The following FBXL17 variants were observed in gnomAD, a reference collection of about 807,000 sequenced individuals.
The protein encoded by FBXL17 is F-box and leucine rich repeat protein 17.
Under a neutral mutation model 66.2 loss-of-function variants are expected in FBXL17, and 22 were observed. That is an observed-to-expected ratio of 0.33 (90% CI 0.24 to 0.47). The LOEUF is 0.47. FBXL17 is among the 20% of genes least tolerant of loss of function. The pLI, the probability that FBXL17 is intolerant of heterozygous loss-of-function variation, is 1.00. For synonymous variants in FBXL17, 474 were observed against 400.5 expected, an observed-to-expected ratio of 1.18 and a Z score of -2.19; for missense variants, 878 against 948.2, an observed-to-expected ratio of 0.93 and a Z score of 0.97.
chr5:108,236,584 C>T (rs1447988438), intron 4 of FBXL17, among the ~76,000 whole-genome samples: 1 of 150,786 alleles, frequency 6.6e-6, no homozygotes, highest in Admixed American at 6.6e-5. Context: ...AAAAAGCAAA[C>T]AAACAAATAT....
At chr5:108,186,076 T>A in intron 6 of FBXL17, 41 bp downstream of exon 6, 1 of 1,494,194 alleles carries the variant, frequency 6.7e-7, no homozygotes, top group African/African-American at 1.4e-5. Context: ...TCCTAAATGT[T>A]TTCCTCTAGA....
intron 4 of FBXL17, among the ~76,000 whole-genome samples, chr5:108,341,101 T>G (rs1234814830): frequency 6.6e-6 from 1 of 152,156 alleles, no homozygotes; most frequent in Non-Finnish European, 1.5e-5. Flanking sequence ...AGAAGCAATG[T>G]AAGTGTCCTT....
At chr5:108,029,790 C>T (rs1320892917) in intron 6 of FBXL17, among the ~76,000 whole-genome samples, 4 of 150,646 alleles carry the variant, frequency 2.7e-5, no homozygotes, top group East Asian at 2.0e-4. Flanking sequence ...TTTTTTTAAC[C>T]GAAGGATAGA....
At chr5:107,918,975 G>A (rs1377990432) in intron 7 of FBXL17, among the ~76,000 whole-genome samples, 1 of 152,158 alleles carries the variant, frequency 6.6e-6, no homozygotes, top group Non-Finnish European at 1.5e-5. Flanking sequence ...CTTTGTGGGA[G>A]AGGCTGTGTG....
chr5:108,173,519 G>A (rs1419275843), intron 6 of FBXL17, among the ~76,000 whole-genome samples: 1 of 152,178 alleles, frequency 6.6e-6, no homozygotes, highest in African/African-American at 2.4e-5. Context: ...ATTTATTACA[G>A]TAAAGAAATG....
In FBXL17 at chr5:108,279,553, GA is replaced by G. The variant is rs74272808; in HGVS notation, c.1507-55326del. ...ACCAACATCATAGTCACATCTTCAG[GA>G]AAAAAAAAAAAAGTAATATGACACC... On this transcript the variant is annotated intron_variant, in intron 4 of 8. Transcript: ENST00000542267. Among the ~76,000 whole-genome samples, 939 of 137,766 alleles carry G rather than the reference GA, an allele frequency of 6.8e-3. 4 individuals are homozygous for G. The highest frequency in any genetic ancestry group is 0.038 in the East Asian group (186 of 4,856). The allele number at this position is 137,766 out of a possible 152,430, so 90.4% of individuals were successfully genotyped here.
At chr5:108,251,751 A>G (rs181915201) in intron 4 of FBXL17, among the ~76,000 whole-genome samples, 2 of 152,234 alleles carry the variant, frequency 1.3e-5, no homozygotes, top group Admixed American at 6.5e-5. Context: ...GTAAAGCTCA[A>G]TAATATTCCA....
chr5:108,007,333 C>T (rs1462693260), intron 7 of FBXL17, among the ~76,000 whole-genome samples: 3 of 152,116 alleles, frequency 2.0e-5, no homozygotes, highest in Admixed American at 2.0e-4. Flanking sequence ...TGGCACACAA[C>T]AGAAGCTCAG....
chr5:108,260,553 G>A (rs894476456), intron 4 of FBXL17, among the ~76,000 whole-genome samples: 1 of 152,074 alleles, frequency 6.6e-6, no homozygotes, highest in African/African-American at 2.4e-5. Context: ...AGGCAACATC[G>A]TATTACAAGG....
chr5:108,183,747 C>T (rs1388271558), intron 6 of FBXL17, among the ~76,000 whole-genome samples: 1 of 152,026 alleles, frequency 6.6e-6, no homozygotes, highest in Non-Finnish European at 1.5e-5. Flanking sequence ...GTTCCCATGT[C>T]CATTATACCA....
At chr5:107,945,943 G>C (rs982020537) in intron 7 of FBXL17, among the ~76,000 whole-genome samples, 1 of 151,996 alleles carries the variant, frequency 6.6e-6, no homozygotes, top group Admixed American at 6.6e-5. Flanking sequence ...AAGTTGTATA[G>C]AGCATGTACC....
chr5:108,064,502 C>T (rs1474757590), intron 6 of FBXL17, among the ~76,000 whole-genome samples: 1 of 152,068 alleles, frequency 6.6e-6, no homozygotes, highest in African/African-American at 2.4e-5. Flanking sequence ...CTTTGCAGAG[C>T]CTCTCAATGG....
chr5:107,942,974 C>A (rs1225051424), intron 7 of FBXL17, among the ~76,000 whole-genome samples: 1 of 152,180 alleles, frequency 6.6e-6, no homozygotes, highest in African/African-American at 2.4e-5. Flanking sequence ...CCTCGTTTCA[C>A]TGAATTGACC....
intron 4 of FBXL17, among the ~76,000 whole-genome samples, chr5:108,270,101 T>C (rs1757205388): frequency 6.6e-6 from 1 of 152,044 alleles, no homozygotes; most frequent in African/African-American, 2.4e-5. Flanking sequence ...TTAAAGATAC[T>C]AAAGAAGTAA....
At chr5:107,908,848 C>A (rs1749851317) in intron 7 of FBXL17, among the ~76,000 whole-genome samples, 1 of 152,142 alleles carries the variant, frequency 6.6e-6, no homozygotes, top group African/African-American at 2.4e-5. Flanking sequence ...ATGTTAAATG[C>A]CAGTTTGAGA....
At chr5:108,192,431 A>G (rs1221598724) in intron 5 of FBXL17, among the ~76,000 whole-genome samples, 3 of 152,188 alleles carry the variant, frequency 2.0e-5, no homozygotes, top group African/African-American at 4.8e-5. Context: ...CTTTTATTAG[A>G]AAAAAAGTGA....
intron 3 of FBXL17, among the ~76,000 whole-genome samples, chr5:108,359,874 T>C (rs1378218549): frequency 6.6e-6 from 1 of 152,116 alleles, no homozygotes; most frequent in African/African-American, 2.4e-5. Flanking sequence ...CTATTCATTA[T>C]TGAAAGTGAA....
chr5:108,028,751 T>C (rs1463182304), intron 6 of FBXL17, among the ~76,000 whole-genome samples: 1 of 152,058 alleles, frequency 6.6e-6, no homozygotes, highest in Non-Finnish European at 1.5e-5. Context: ...GCATAAAATC[T>C]CTTTTTGGAT....
At chr5:108,307,220 A>G (rs1052764944) in intron 4 of FBXL17, among the ~76,000 whole-genome samples, 11 of 152,172 alleles carry the variant, frequency 7.2e-5, no homozygotes, top group Non-Finnish European at 1.5e-5. Context: ...GTTTTAAAAA[A>G]GAGAAAAAGC....
Sources: gnomAD v4.1 joint callset for allele counts (sites outside exome capture counted in the v4.1 genomes callset) on GRCh38, gnomAD v4.1.1 for gene constraint, MANE v1.5 for transcripts, NCBI Gene and HGNC (gene_info 2026-07-23, HGNC 2026-07-21) for gene names.